The following BPIFB2 variants were observed in gnomAD, a reference collection of about 807,000 sequenced individuals.
The protein encoded by BPIFB2 is BPI fold containing family B member 2, also known as BPI fold-containing family B member 2.
BPIFB2 carries 39 observed loss-of-function variants against 50.1 expected under a neutral mutation model. The observed-to-expected ratio is 0.78, with a 90% CI of 0.60 to 1.02. The LOEUF is 1.02. Ranked by LOEUF, BPIFB2 falls within the 50% of genes least tolerant of loss-of-function variation. BPIFB2 has a pLI of 0.00. For missense variants in BPIFB2, 574 were observed against 585.8 expected, an observed-to-expected ratio of 0.98 and a Z score of 0.21; for synonymous variants, 280 against 256.3, an observed-to-expected ratio of 1.09 and a Z score of -0.88.
At chr20:33,010,550 C>G (rs2146348921) in intron 2 of BPIFB2, among the ~76,000 whole-genome samples, 1 of 152,204 alleles carries the variant, frequency 6.6e-6, no homozygotes, top group Non-Finnish European at 1.5e-5. Context: ...GGTTTGAAAC[C>G]AGGATCTGAG....
chr20:33,018,461 G>T (rs1041187373), intron 8 of BPIFB2, 111 bp downstream of exon 8: 4 of 1,304,144 alleles, frequency 3.1e-6, no homozygotes, highest in Non-Finnish European at 4.3e-6. Flanking sequence ...GGAGGAGCTG[G>T]AATAGTGTCC....
chr20:33,020,439 T>C (rs761785924), intron 12 of BPIFB2, 44 bp downstream of exon 12: 4 of 1,609,328 alleles, frequency 2.5e-6, no homozygotes, highest in Non-Finnish European at 1.7e-6. Flanking sequence ...TGTGTTCTTC[T>C]GTGCCATGGG....
chr20:33,016,448 C>T (rs1453708704), intron 6 of BPIFB2, among the ~76,000 whole-genome samples: 1 of 152,204 alleles, frequency 6.6e-6, no homozygotes, highest in Non-Finnish European at 1.5e-5. Flanking sequence ...CTCTCCTCTT[C>T]CTCTCGACCT....
chr20:33,022,757 A>G (rs546641981), intron 15 of BPIFB2, among the ~76,000 whole-genome samples: 5 of 152,304 alleles, frequency 3.3e-5, no homozygotes, highest in Non-Finnish European at 7.4e-5. Flanking sequence ...TTTCCATGTA[A>G]TTAGCCATAG....
chr20:33,020,747 C>T (rs111359351), intron 13 of BPIFB2, among the ~76,000 whole-genome samples, 160 bp downstream of exon 13: 3 of 152,306 alleles, frequency 2.0e-5, no homozygotes, highest in African/African-American at 7.2e-5. Context: ...CCAGTCAGTC[C>T]ATCTGCCTGA....
At chr20:33,017,369 G>C (rs1978473974) in intron 7 of BPIFB2, among the ~76,000 whole-genome samples, 1 of 152,224 alleles carries the variant, frequency 6.6e-6, no homozygotes, top group Non-Finnish European at 1.5e-5. Context: ...TTGAAATCAT[G>C]AGTCTTAACA....
intron 6 of BPIFB2, among the ~76,000 whole-genome samples, 174 bp from the exon 7 acceptor site, chr20:33,016,868 G>A (rs1978448628): frequency 1.3e-5 from 2 of 152,220 alleles, no homozygotes; most frequent in Admixed American, 1.3e-4. Flanking sequence ...CTGTTTCTTC[G>A]GTGCCTGGAA....
Position 33,015,414 on chromosome 20 carries a change from T to A in BPIFB2, c.456-22T>A, listed in dbSNP as rs1217235351. ...TTAATATGTTTGGGAGCCCAGGAAC[T>A]CTTTCTGTGTTTCTCCCTCAGCACC... On this transcript the variant is annotated intron_variant, in intron 5 of 15. Coordinates refer to ENST00000170150, the MANE Select transcript of BPIFB2 (RefSeq NM_025227.3). 3 of 1,606,360 alleles carry A rather than the reference T, an allele frequency of 1.9e-6. No individual in the cohort carries two copies. The Admixed American group carries it at 5.1e-5, about 27-fold the overall frequency.
At chr20:33,013,775 G>A (rs1456943386) in intron 4 of BPIFB2, 35 bp from the exon 5 acceptor site, 12 of 1,599,850 alleles carry the variant, frequency 7.5e-6, no homozygotes, top group Middle Eastern at 2.1e-4. Flanking sequence ...TCTGCTGGGC[G>A]GTGCTGCTCG....
chr20:33,021,590 T>G, intron 14 of BPIFB2, 133 bp from the exon 15 acceptor site: 1 of 993,164 alleles, frequency 1.0e-6, no homozygotes, highest in African/African-American at 1.6e-5. Context: ...CAGCTTCCCC[T>G]TCTGTAAAAG....
chr20:33,012,964 AC>A (rs1012661375), intron 4 of BPIFB2, 57 bp downstream of exon 4: 1 of 1,448,964 alleles, frequency 6.9e-7, no homozygotes, highest in Non-Finnish European at 9.7e-7. Flanking sequence ...TCCGAGGGAT[AC>A]AGTGAGGGGA....
chr20:33,013,835 C>T lies in BPIFB2; in HGVS notation c.334C>T (p.Leu112=). Residue 112 remains leucine (L), a synonymous_variant, in exon 5 of 16, where the codon CTG becomes TTG. Transcript: ENST00000170150. Reference sequence around the variant, plus strand: ...CGCCCCAGAGCCCCTGGAGCTGACGCTGCCTGTGGAACTGCTGGCTGACAC... The same window carrying T: ...CGCCCCAGAGCCCCTGGAGCTGACGTTGCCTGTGGAACTGCTGGCTGACAC... ...FRAPEPLELT[L]PVELLADTRV... is the part of the protein sequence containing the mutation. 1.2e-6 allele frequency: 2 copies of T among 1,613,898 alleles called. No individual in the cohort carries two copies. Among genetic ancestry groups the T allele is most frequent in the Non-Finnish European group, 1.7e-6 (2 of 1,179,980 alleles).
chr20:33,010,184 C>T (rs1460686461), intron 2 of BPIFB2, among the ~76,000 whole-genome samples: 1 of 152,178 alleles, frequency 6.6e-6, no homozygotes, highest in East Asian at 1.9e-4. Context: ...TTAATTAGCA[C>T]CTCTCTGGGG....
Position 33,019,133 on chromosome 20 carries a change from T to A in BPIFB2, c.909+18T>A, listed in dbSNP as rs760083906. On this transcript the variant is annotated intron_variant, in intron 10 of 15. Transcript: ENST00000170150. ...TCCCGGAGGTCGGTGATGTTTCTGA[T>A]CATTCCAGGGACTGAGACAAGGGAC... 8.1e-6 allele frequency: 13 copies of A among 1,613,932 alleles called. No homozygotes were observed. The East Asian group carries it at 2.9e-4, about 36-fold the overall frequency.
At chr20:33,012,063 GA>G (rs1376472837) in intron 3 of BPIFB2, among the ~76,000 whole-genome samples, 2 of 152,202 alleles carry the variant, frequency 1.3e-5, no homozygotes, top group Non-Finnish European at 2.9e-5. Context: ...GGTGGATGGT[GA>G]AAAAAACATC....
In BPIFB2 at chr20:33,023,351, G is replaced by A. The variant is rs1351706834; in HGVS notation, c.1345G>A (p.Val449Met). The A allele has an allele frequency of 4.3e-6, 7 of 1,613,810 alleles. No individual in the cohort carries two copies. The highest frequency in any genetic ancestry group is 5.9e-6 in the Non-Finnish European group (7 of 1,179,898). Residue 449 changes from valine to methionine, a missense_variant, in exon 16 of 16, where the codon GTG becomes ATG. Physicochemically the swap from Val to Met is conservative, Grantham distance 21 (BLOSUM62 1). Coordinates refer to ENST00000170150, the MANE Select transcript of BPIFB2 (RefSeq NM_025227.3). The stretch of plus-strand genomic sequence containing the variant: ...TTCCTTTGCCCTTCAGGGCTACGTG[G>A]TGATATCCAGTGGACTCTTCTACCA... ...PEIFVYEGYV[V>M]ISSGLFYQS is the part of the protein sequence containing the mutation.
chr20:33,019,425 C>A (rs1978569205), intron 10 of BPIFB2, among the ~76,000 whole-genome samples, 155 bp from the exon 11 acceptor site: 1 of 152,142 alleles, frequency 6.6e-6, no homozygotes, highest in Admixed American at 6.5e-5. Context: ...GTCCAGCGGC[C>A]TGTAAGACCC....
At chr20:33,012,713 A>G in intron 3 of BPIFB2, 90 bp from the exon 4 acceptor site, 2 of 992,920 alleles carry the variant, frequency 2.0e-6, no homozygotes, top group South Asian at 2.8e-5. Context: ...TCTTTATAAC[A>G]TCGTGTGGGT....
intron 3 of BPIFB2, among the ~76,000 whole-genome samples, chr20:33,011,810 C>A (rs1321587686): frequency 1.3e-5 from 2 of 152,148 alleles, no homozygotes; most frequent in African/African-American, 4.8e-5. Flanking sequence ...GAAACCCCAT[C>A]TCAACTAAAA....
Sources: gnomAD v4.1 joint callset for allele counts (sites outside exome capture counted in the v4.1 genomes callset) on GRCh38, gnomAD v4.1.1 for gene constraint, MANE v1.5 for transcripts, NCBI Gene and HGNC (gene_info 2026-07-23, HGNC 2026-07-21) for gene names.